The following UMAD1 variants were observed in gnomAD, a reference collection of about 807,000 sequenced individuals.
The protein encoded by UMAD1 is UBAP1-MVB12-associated (UMA) domain containing 1, also known as UBAP1-MVB12-associated (UMA)-domain containing protein 1.
A neutral mutation model predicts 6.1 loss-of-function variants in UMAD1; 8 were observed. The observed-to-expected ratio is 1.30, with a 90% CI of 0.76 to 2.35. UMAD1 has a LOEUF of 2.35. Ranked by LOEUF, UMAD1 falls within the 30% of genes most tolerant of loss-of-function variation. The pLI, the probability that UMAD1 is intolerant of heterozygous loss-of-function variation, is 0.00. For synonymous variants in UMAD1, 56 were observed against 31.4 expected (o/e 1.78, Z -2.61); for missense variants, 130 against 78.4 (o/e 1.66, Z -2.49).
At chr7:7,800,676 AC>A (rs1395956911) in intron 2 of UMAD1, among the ~76,000 whole-genome samples, 1 of 152,142 alleles carries the variant, frequency 6.6e-6, no homozygotes, top group Non-Finnish European at 1.5e-5. Context: ...TTTTCATGAG[AC>A]TTTTCCTTGA....
chr7:7,876,266 C>T (rs977405047), intron 3 of UMAD1, among the ~76,000 whole-genome samples: 6 of 152,090 alleles, frequency 3.9e-5, no homozygotes, highest in African/African-American at 1.4e-4. Flanking sequence ...TTGCAAGGAG[C>T]ACTAGCAAGG....
chr7:7,760,699 A>G (rs2115230769), intron 2 of UMAD1, among the ~76,000 whole-genome samples: 1 of 152,262 alleles, frequency 6.6e-6, no homozygotes. Context: ...GACAGGACAT[A>G]TGTAAGGTAG....
chr7:7,648,855 AAAAG>A (rs1257532129), intron 1 of UMAD1, among the ~76,000 whole-genome samples: 2 of 150,998 alleles, frequency 1.3e-5, no homozygotes, highest in African/African-American at 4.9e-5. Context: ...CCTGTCTCAA[AAAAG>A]AAAGAAAGAA....
At chr7:7,712,453 T>G (rs1466025033) in intron 2 of UMAD1, among the ~76,000 whole-genome samples, 1 of 152,104 alleles carries the variant, frequency 6.6e-6, no homozygotes, top group Non-Finnish European at 1.5e-5. Flanking sequence ...CTTAGAGTGC[T>G]TTTTTGTTTT....
At chr7:7,667,368 C>G (rs1048212028) in intron 1 of UMAD1, among the ~76,000 whole-genome samples, 1 of 152,188 alleles carries the variant, frequency 6.6e-6, no homozygotes, top group South Asian at 2.1e-4. Flanking sequence ...GGAAGTCCAG[C>G]TGTCAAGGCC....
intron 3 of UMAD1, among the ~76,000 whole-genome samples, chr7:7,844,987 G>A (rs937451180): frequency 2.0e-5 from 3 of 151,866 alleles, no homozygotes; most frequent in Non-Finnish European, 2.9e-5. Flanking sequence ...TCTTTTTTAC[G>A]TAAAAAAATT....
intron 2 of UMAD1, among the ~76,000 whole-genome samples, chr7:7,763,614 CGCCTGTAATCCCAGCACTTTGGGAG>C (rs1781933370): frequency 6.6e-6 from 1 of 152,164 alleles, no homozygotes; most frequent in South Asian, 2.1e-4. Flanking sequence ...TGGTGGCTTA[CGCCTGTAATCCCAGCACTTTGGGAG>C]GCTGAGGCTG....
At chr7:7,743,686 GTATATGTATATGTATAATA>G (rs56816771) in intron 2 of UMAD1, among the ~76,000 whole-genome samples, 78,603 of 150,684 alleles carry the variant, frequency 0.52, 21,157 homozygotes, top group African/African-American at 0.64. Flanking sequence ...ACATATATGT[GTATATGTATATGTATAATA>G]TATATTATAC....
intron 2 of UMAD1, among the ~76,000 whole-genome samples, chr7:7,758,421 A>T (rs1205599209): frequency 6.6e-6 from 1 of 152,046 alleles, no homozygotes; most frequent in Non-Finnish European, 1.5e-5. Flanking sequence ...TTATCTTTAA[A>T]TTTTTTTATA....
intron 2 of UMAD1, among the ~76,000 whole-genome samples, chr7:7,759,863 G>C (rs1292937280): frequency 6.6e-6 from 1 of 152,168 alleles, no homozygotes. Flanking sequence ...CTGGGAGACA[G>C]TCTGCCATAT....
Position 7,830,227 on chromosome 7 carries a change from A to G in UMAD1, c.156+28484A>G, listed in dbSNP as rs1783434422. On this transcript the variant is annotated intron_variant, in intron 3 of 3. Transcript: ENST00000682710. The surrounding 1 kb of genome is among the most constrained non-coding windows in gnomAD (Gnocchi z 5.3). ...TACGTTGTGCTGGAATCAACTTGCC[A>G]TTTCCTAAACATGCGTTGTAATCAC... Among the ~76,000 whole-genome samples, 1 of 152,098 alleles carries G rather than the reference A, an allele frequency of 6.6e-6. No individual in the cohort carries two copies. Among genetic ancestry groups the G allele is most frequent in the Non-Finnish European group, 1.5e-5 (1 of 68,024 alleles).
chr7:7,641,368 C>A (rs937570416), intron 1 of UMAD1: 1 of 152,116 alleles, frequency 6.6e-6, no homozygotes, highest in Non-Finnish European at 1.5e-5. Context: ...GTTGTTAGAC[C>A]CCGAGCTAGG....
intron 2 of UMAD1, among the ~76,000 whole-genome samples, chr7:7,681,277 G>C (rs144946366): frequency 6.6e-6 from 1 of 152,088 alleles, no homozygotes; most frequent in South Asian, 2.1e-4. Context: ...AAGCATTTCT[G>C]CTTAACACAA....
At chr7:7,692,284 G>C (rs1780191161) in intron 2 of UMAD1, 1 of 152,218 alleles carries the variant, frequency 6.6e-6, no homozygotes. Flanking sequence ...CAGGAATAGA[G>C]ACAAAAATTG....
intron 1 of UMAD1, among the ~76,000 whole-genome samples, chr7:7,649,052 G>A (rs1785160843): frequency 1.3e-5 from 2 of 151,256 alleles, no homozygotes; most frequent in Non-Finnish European, 2.9e-5. Context: ...CAGCTACTCA[G>A]GAGGCTGAGG....
At chr7:7,818,553 A>G (rs546760677) in intron 3 of UMAD1, among the ~76,000 whole-genome samples, 1 of 152,352 alleles carries the variant, frequency 6.6e-6, no homozygotes, top group East Asian at 1.9e-4. Flanking sequence ...GAGAATGCTT[A>G]TATACTGTTG....
chr7:7,655,243 C>T (rs1173974217), intron 1 of UMAD1, among the ~76,000 whole-genome samples: 1 of 152,112 alleles, frequency 6.6e-6, no homozygotes, highest in Non-Finnish European at 1.5e-5. Context: ...AACTAGACTG[C>T]CCCTTCCCCC....
intron 3 of UMAD1, among the ~76,000 whole-genome samples, chr7:7,862,314 T>C (rs1378618463): frequency 6.6e-6 from 1 of 152,176 alleles, no homozygotes; most frequent in Non-Finnish European, 1.5e-5. Flanking sequence ...AAGTACTTTA[T>C]GTTTCACTGA....
chr7:7,698,399 T>A (rs1780368503), intron 2 of UMAD1, among the ~76,000 whole-genome samples: 1 of 152,184 alleles, frequency 6.6e-6, no homozygotes, highest in South Asian at 2.1e-4. Flanking sequence ...TGGTAGAAGT[T>A]TTGATTGAGA....
Sources: gnomAD v4.1 joint callset for allele counts (sites outside exome capture counted in the v4.1 genomes callset) on GRCh38, gnomAD v4.1.1 for gene constraint, Gnocchi (gnomAD v3.1) non-coding constraint, MANE v1.5 for transcripts, NCBI Gene and HGNC (gene_info 2026-07-23, HGNC 2026-07-21) for gene names.